Variants in RIPOR3 observed in about 807,000 individuals in gnomAD.
RIPOR3 encodes the protein RIPOR family member 3, also known as family with sequence similarity 65 member C.
In RIPOR3, 95 loss-of-function variants were observed where a neutral mutation model predicts 114.3. The ratio of observed to expected loss-of-function variants is 0.83; its 90% CI spans 0.70 to 0.99. The LOEUF is 0.99. Ranked by LOEUF, RIPOR3 falls within the 50% of genes least tolerant of loss-of-function variation. The pLI is 0.00. For missense variants in RIPOR3, 1,252 were observed against 1,266.9 expected (o/e 0.99, Z 0.18); for synonymous variants, 575 against 543.8 (o/e 1.06, Z -0.80).
chr20:50,593,345 G>A, intron 17 of RIPOR3, 149 bp from the exon 18 acceptor site: 1 of 779,228 alleles, frequency 1.3e-6, no homozygotes, highest in East Asian at 2.8e-5. Flanking sequence ...GGCCAAGGTG[G>A]GCAGATCACC....
chr20:50,691,079 C>A (rs1348097309), intron 1 of RIPOR3, 47 bp downstream of exon 1: 1 of 1,289,526 alleles, frequency 7.8e-7, no homozygotes, highest in Non-Finnish European at 1.0e-6. Flanking sequence ...TCTGTCCACA[C>A]AAGGCGGCGT....
intron 11 of RIPOR3, among the ~76,000 whole-genome samples, chr20:50,608,108 C>A (rs1021752720): frequency 6.6e-6 from 1 of 152,122 alleles, no homozygotes; most frequent in Admixed American, 6.5e-5. Context: ...GGAGCCAAGC[C>A]CGGGAGGCCC....
chr20:50,626,088 C>T lies in RIPOR3; in HGVS notation c.122+4650G>A, dbSNP rs533517994. Among the ~76,000 whole-genome samples, 127 of 152,372 alleles carry T rather than the reference C, an allele frequency of 8.3e-4. 1 individual carries two copies. The highest frequency in any genetic ancestry group is 3.4e-3 in the Middle Eastern group (1 of 294). On this transcript the variant is annotated intron_variant, in intron 2 of 21. Transcript: ENST00000327979. ...TTGCCTTGACAGTGCGGCTGCGCTT[C>T]GGCCTGCTCGGGTTACCAGGGAACA...
At chr20:50,670,301 G>T (rs574771097) in intron 1 of RIPOR3, among the ~76,000 whole-genome samples, 3 of 152,096 alleles carry the variant, frequency 2.0e-5, no homozygotes, top group African/African-American at 7.2e-5. Flanking sequence ...GCAATCTTGG[G>T]CATCGGACTT....
rs754067878 is a variant in RIPOR3 at position 50,608,492 on chromosome 20, C to A, written c.853G>T (p.Val285Leu). 1.2e-6 allele frequency: 2 copies of A among 1,613,836 alleles called. No homozygotes were observed. Among genetic ancestry groups the A allele is most frequent in the Non-Finnish European group, 1.7e-6 (2 of 1,179,932 alleles). ...AAGAAGTCGGCGATGTCACACGTCA[C>A]TGCACCCACAGCCAGCGAGCCCAGG... ...RGLGSLAVGA[V>L]TCDIADFFTT... Residue 285 changes from valine to leucine, a missense_variant, in exon 11 of 22, where the codon GTG (valine) becomes TTG (leucine). Coordinates refer to ENST00000327979, the MANE Select transcript of RIPOR3 (RefSeq NM_001290268.2).
chr20:50,607,058 G>T (rs920991494), intron 11 of RIPOR3, among the ~76,000 whole-genome samples: 1 of 152,128 alleles, frequency 6.6e-6, no homozygotes, highest in Admixed American at 6.5e-5. Flanking sequence ...AAGTCCTGCT[G>T]CTTCATTCCT....
At chr20:50,598,653 AGTTAT>A (rs1405648024) in intron 13 of RIPOR3, among the ~76,000 whole-genome samples, 2 of 152,208 alleles carry the variant, frequency 1.3e-5, no homozygotes, top group African/African-American at 4.8e-5. Context: ...TAGTCAAGGT[AGTTAT>A]GTTCTAGAGG....
At position 50,608,640 on chromosome 20, in the gene RIPOR3, G is replaced by C. The variant is rs773403537; in HGVS notation, c.783C>G (p.Pro261=). ...TWDEEEKAFI[P]TLHENLDIKV... ...TGATGTCCAGGTTCTCATGCAGCGT[G>C]GGGATGAAGGCCTTCTCCTCTTCGT... is the stretch of plus-strand genomic sequence containing the variant. The change falls in exon 10 of 22, where the codon CCC becomes CCG. Residue 261 remains proline (P), a synonymous_variant. Transcript: ENST00000327979. 5.0e-6 allele frequency: 8 copies of C among 1,613,914 alleles called. No individual in the cohort carries two copies. Among genetic ancestry groups the C allele is most frequent in the African/African-American group, 1.3e-5 (1 of 74,924 alleles).
rs765328835 is a variant in RIPOR3 at position 50,608,892 on chromosome 20, A to G, written c.684+20T>C. On this transcript the variant is annotated intron_variant, in intron 9 of 21. Transcript: ENST00000327979. ...ACCTGGCGGGGAGCCCTGAGGATTG[A>G]CCCCAGAGAGTGGCCGTACCTCATA... The G allele has an allele frequency of 2.1e-5, 33 of 1,597,686 alleles. No individual in the cohort carries two copies. The highest frequency in any genetic ancestry group is 2.7e-5 in the Non-Finnish European group (32 of 1,172,546).
At position 50,594,598 on chromosome 20, in the gene RIPOR3, A is replaced by G; in HGVS notation, c.2167T>C (p.Phe723Leu). Residue 723 changes from phenylalanine to leucine, a missense_variant, in exon 17 of 22, where the codon TTC (phenylalanine) becomes CTC (leucine). Coordinates refer to ENST00000327979, the MANE Select transcript of RIPOR3 (RefSeq NM_001290268.2). ...TTLLNQLKKT[F>L]QHRVRGKYPG... ...TACTTCCCTCTGACTCTGTGCTGGA[A>G]GGTTTTCTTGAGCTGGTTCAGCAGC... is the stretch of plus-strand genomic sequence containing the variant. The G allele has an allele frequency of 3.1e-6, 5 of 1,614,070 alleles. No homozygotes were observed. Among genetic ancestry groups the G allele is most frequent in the Non-Finnish European group, 4.2e-6 (5 of 1,180,000 alleles).
At chr20:50,631,552 T>C (rs774723902) in intron 1 of RIPOR3, among the ~76,000 whole-genome samples, 6 of 152,252 alleles carry the variant, frequency 3.9e-5, no homozygotes, top group East Asian at 1.9e-4. Context: ...CCAAGAGGCA[T>C]TGGTAGCCCC....
intron 1 of RIPOR3, among the ~76,000 whole-genome samples, chr20:50,680,264 T>C (rs1223298956): frequency 6.6e-6 from 1 of 152,220 alleles, no homozygotes; most frequent in Non-Finnish European, 1.5e-5. Context: ...CGGGGCCCAC[T>C]GATTATTTTT....
chr20:50,637,932 A>G (rs1436018291), intron 1 of RIPOR3, among the ~76,000 whole-genome samples: 1 of 151,924 alleles, frequency 6.6e-6, no homozygotes, highest in Non-Finnish European at 1.5e-5. Context: ...TTATTTTTAT[A>G]GAGATGGGTC....
intron 1 of RIPOR3, among the ~76,000 whole-genome samples, chr20:50,650,454 C>A (rs1233379569): frequency 6.6e-6 from 1 of 152,064 alleles, no homozygotes; most frequent in Non-Finnish European, 1.5e-5. Flanking sequence ...AGGTGTGCAC[C>A]ACCACACCTG....
At chr20:50,611,093 C>A in intron 5 of RIPOR3, 88 bp downstream of exon 5, 1 of 1,603,628 alleles carries the variant, frequency 6.2e-7, no homozygotes, top group African/African-American at 1.3e-5. Flanking sequence ...GGTTTTCTGC[C>A]CATCAGGCAG....
intron 2 of RIPOR3, chr20:50,620,851 G>C: frequency 1.3e-6 from 1 of 777,288 alleles, no homozygotes; most frequent in Non-Finnish European, 2.2e-6. Flanking sequence ...GCTGCAGTGG[G>C]TGTCTGACCA....
In RIPOR3 at chr20:50,588,769, GA is replaced by G. The variant is rs1218262439; in HGVS notation, c.2662-878del. 7.5e-5 allele frequency among the ~76,000 whole-genome samples: 10 copies of G among 133,158 alleles called. No individual in the cohort carries two copies. In the East Asian group the frequency reaches 1.7e-3, roughly 23 times the overall value. The allele number at this position is 133,158 out of a possible 152,430, so 87.4% of individuals were successfully genotyped here. A position where few individuals can be genotyped will look rare whatever the true frequency, so the allele number is the denominator to read the frequency against. On this transcript the variant is annotated intron_variant, in intron 20 of 21. Coordinates refer to ENST00000327979, the MANE Select transcript of RIPOR3 (RefSeq NM_001290268.2). ...CAAGTGAAAAAAAAAAAAAAAAAAA[GA>G]AAAAAAACACCACAAATAAAGAATT...
chr20:50,641,134 C>T (rs560041406), intron 1 of RIPOR3, among the ~76,000 whole-genome samples: 141 of 152,172 alleles, frequency 9.3e-4, no homozygotes, highest in African/African-American at 3.3e-3. Context: ...TGGTCTCAAA[C>T]TCCTGACCTC....
chr20:50,623,220 A>C (rs2084486559), intron 2 of RIPOR3, among the ~76,000 whole-genome samples: 1 of 150,320 alleles, frequency 6.7e-6, no homozygotes, highest in South Asian at 2.1e-4. Flanking sequence ...AGATCATGCC[A>C]CTTCACTCCA....
Sources: gnomAD v4.1 joint callset for allele counts (sites outside exome capture counted in the v4.1 genomes callset) on GRCh38, gnomAD v4.1.1 for gene constraint, MANE v1.5 for transcripts, NCBI Gene and HGNC (gene_info 2026-07-23, HGNC 2026-07-21) for gene names.